ZFAND3: variants seen among roughly 807,000 people sequenced by gnomAD.
ZFAND3 encodes zinc finger AN1-type containing 3.
ZFAND3 carries 10 observed loss-of-function variants against 29.6 expected under a neutral mutation model. The ratio of observed to expected loss-of-function variants is 0.34; its 90% CI spans 0.21 to 0.57. The LOEUF (loss-of-function observed/expected upper bound fraction) is 0.57. ZFAND3 is among the 20% of genes least tolerant of loss of function. ZFAND3 has a pLI of 0.86. For synonymous variants in ZFAND3, 128 were observed against 112.6 expected (o/e 1.14, Z -0.87); for missense variants, 230 against 304.5 (o/e 0.76, Z 1.82).
At chr6:37,956,514 AAG>A (rs1342242751) in intron 2 of ZFAND3, among the ~76,000 whole-genome samples, 8 of 151,632 alleles carry the variant, frequency 5.3e-5, no homozygotes, top group Non-Finnish European at 1.0e-4. Flanking sequence ...AGATTATAGA[AAG>A]GGGATATTTT....
intron 2 of ZFAND3, among the ~76,000 whole-genome samples, chr6:37,952,688 T>C (rs997106912): frequency 2.6e-5 from 4 of 152,128 alleles, no homozygotes; most frequent in Non-Finnish European, 5.9e-5. Flanking sequence ...CAGCTAGGAT[T>C]CTAGGTCCAT....
At chr6:37,969,058 T>G (rs1282410081) in intron 2 of ZFAND3, among the ~76,000 whole-genome samples, 1 of 152,204 alleles carries the variant, frequency 6.6e-6, no homozygotes, top group East Asian at 1.9e-4. Flanking sequence ...CTATTGCTCC[T>G]AGTCTACAAA....
chr6:37,958,357 G>GTCA (rs1303606467), intron 2 of ZFAND3, among the ~76,000 whole-genome samples: 1 of 151,704 alleles, frequency 6.6e-6, no homozygotes, highest in African/African-American at 2.4e-5. Flanking sequence ...GGGAGGCTGA[G>GTCA]GCAGGAGAAT....
At chr6:37,914,901 G>GA (rs34100052) in intron 1 of ZFAND3, among the ~76,000 whole-genome samples, 32,692 of 151,892 alleles carry the variant, frequency 0.22, 4,360 homozygotes, top group African/African-American at 0.37. Flanking sequence ...TTTAACAAGA[G>GA]AATCAGTTGG....
intron 2 of ZFAND3, among the ~76,000 whole-genome samples, chr6:37,970,324 T>C (rs890094606): frequency 6.6e-6 from 1 of 152,146 alleles, no homozygotes; most frequent in Non-Finnish European, 1.5e-5. Context: ...GGCAGATCCT[T>C]GAATTATGCT....
intron 4 of ZFAND3, among the ~76,000 whole-genome samples, chr6:38,110,357 G>C (rs1170540762): frequency 6.6e-6 from 1 of 152,108 alleles, no homozygotes. Flanking sequence ...ATGGCACACA[G>C]AGTAAAATGT....
Position 38,153,665 on chromosome 6 carries a change from G to A in ZFAND3, c.*1276G>A. The A allele has an allele frequency of 1.0e-6, 1 of 985,436 alleles. No individual in the cohort carries two copies. 61.0% of individuals were successfully genotyped at this position (985,436 alleles called of 1,614,324 possible). On this transcript the variant is annotated 3_prime_UTR_variant, in exon 6 of 6. Coordinates refer to ENST00000287218, the MANE Select transcript of ZFAND3 (RefSeq NM_021943.3). ...TCAGCAGCTGCAACTGCGCACGCCA[G>A]GTGGGGAAGGGTGGGGGTGGGCCTG...
intron 2 of ZFAND3, among the ~76,000 whole-genome samples, chr6:38,053,493 G>T (rs1309221481): frequency 6.6e-6 from 1 of 152,078 alleles, no homozygotes; most frequent in East Asian, 1.9e-4. Flanking sequence ...AGACCAGCTT[G>T]GCCATCATGG....
chr6:38,000,783 C>T (rs187993800), intron 2 of ZFAND3, among the ~76,000 whole-genome samples: 2 of 152,282 alleles, frequency 1.3e-5, no homozygotes, highest in East Asian at 3.9e-4. Context: ...GAAAAGATAT[C>T]AGACCAACAG....
chr6:37,855,128 G>A (rs1764356931), intron 1 of ZFAND3, among the ~76,000 whole-genome samples: 1 of 150,474 alleles, frequency 6.6e-6, no homozygotes, highest in Non-Finnish European at 1.5e-5. Context: ...AGTCATTTTG[G>A]ATTTTGTGGC....
At chr6:38,041,683 T>C (rs796856572) in intron 2 of ZFAND3, among the ~76,000 whole-genome samples, 805 of 23,678 alleles carry the variant, frequency 0.034, 18 homozygotes, top group African/African-American at 0.07. Flanking sequence ...CTTCTTCTTC[T>C]TCTCCTTCTC....
intron 1 of ZFAND3, among the ~76,000 whole-genome samples, chr6:37,900,341 A>G (rs1171425132): frequency 1.3e-5 from 2 of 152,198 alleles, no homozygotes; most frequent in African/African-American, 4.8e-5. Context: ...AGAAATTACT[A>G]TTCAAAATTT....
rs183507688 is a variant in ZFAND3 at position 38,017,157 on chromosome 6, G to A, written c.113-44436G>A. On this transcript the variant is annotated intron_variant, in intron 2 of 5. Coordinates refer to ENST00000287218, the MANE Select transcript of ZFAND3 (RefSeq NM_021943.3). ...TGGCAGGTGTCTACAGCCAAGGAGA[G>A]TGAGGGAAAAGTGTTTCAAGCCCAG... Among the ~76,000 whole-genome samples the A allele has an allele frequency of 3.0e-4, 46 of 152,360 alleles. 1 individual carries two copies. The highest frequency in any genetic ancestry group is 1.0e-3 in the African/African-American group (43 of 41,588).
intron 5 of ZFAND3, among the ~76,000 whole-genome samples, chr6:38,144,219 A>ATATAT (rs1766049424): frequency 3.6e-5 from 1 of 27,986 alleles, no homozygotes; most frequent in African/African-American, 3.0e-4. Context: ...ATAATATATA[A>ATATAT]TATATATATA....
chr6:37,824,687 A>C (rs1281524904), intron 1 of ZFAND3, among the ~76,000 whole-genome samples: 2 of 152,170 alleles, frequency 1.3e-5, no homozygotes, highest in Non-Finnish European at 2.9e-5. Context: ...TTATTAGGTA[A>C]ATTATTCATT....
At chr6:38,146,078 C>T (rs1344873661) in intron 5 of ZFAND3, among the ~76,000 whole-genome samples, 3 of 152,172 alleles carry the variant, frequency 2.0e-5, no homozygotes, top group Non-Finnish European at 2.9e-5. Context: ...CAGGCTTGGG[C>T]GGGGCCCCGG....
At chr6:37,893,035 C>G (rs1765131415) in intron 1 of ZFAND3, among the ~76,000 whole-genome samples, 1 of 151,964 alleles carries the variant, frequency 6.6e-6, no homozygotes, top group Non-Finnish European at 1.5e-5. Flanking sequence ...AGAATTAATA[C>G]CAGTTCTACA....
intron 2 of ZFAND3, among the ~76,000 whole-genome samples, chr6:38,058,951 A>C (rs1269261186): frequency 6.6e-6 from 1 of 152,212 alleles, no homozygotes; most frequent in Non-Finnish European, 1.5e-5. Flanking sequence ...GTCAAAAGGT[A>C]ATGATTCTGA....
intron 2 of ZFAND3, among the ~76,000 whole-genome samples, chr6:37,994,557 G>A (rs1477507969): frequency 6.6e-6 from 1 of 152,150 alleles, no homozygotes; most frequent in African/African-American, 2.4e-5. Flanking sequence ...GACGTTGTAT[G>A]CTTGGCAGGG....
Sources: gnomAD v4.1 joint callset for allele counts (sites outside exome capture counted in the v4.1 genomes callset) on GRCh38, gnomAD v4.1.1 for gene constraint, MANE v1.5 for transcripts, NCBI Gene and HGNC (gene_info 2026-07-23, HGNC 2026-07-21) for gene names.